Variants in SRGAP1 observed in about 807,000 individuals in gnomAD.
SRGAP1 encodes SLIT-ROBO Rho GTPase-activating protein 1.
Under a neutral mutation model 121.9 loss-of-function variants are expected in SRGAP1, and 43 were observed. The observed-to-expected ratio is 0.35, with a 90% CI of 0.28 to 0.46. The LOEUF (loss-of-function observed/expected upper bound fraction) is 0.46, where lower values mean the gene tolerates loss of function less well. Among genes scored for constraint, SRGAP1 ranks in the 20% least tolerant of loss-of-function variants. SRGAP1 has a pLI of 1.00. For synonymous variants in SRGAP1, 447 were observed against 485.4 expected (o/e 0.92, Z 1.04); for missense variants, 1,102 against 1,350.9 (o/e 0.82, Z 2.89).
Position 64,161,527 on chromosome 12 carries a change from T to C in SRGAP1, c.*18855T>C, listed in dbSNP as rs1314522915. ...GCTGGCTGTTCATTTTTTTATAGAATCCTGTCCTTATTTGACAGGTCCTAT... is the reference window on the plus strand; with the variant it reads ...GCTGGCTGTTCATTTTTTTATAGAACCCTGTCCTTATTTGACAGGTCCTAT... On this transcript the variant is annotated 3_prime_UTR_variant, in exon 22 of 22. Transcript: ENST00000355086. 6.6e-6 allele frequency: 1 copy of C among 152,208 alleles called. No individual in the cohort carries two copies. The highest frequency in any genetic ancestry group is 2.4e-5 in the African/African-American group (1 of 41,458). 9.4% of individuals were successfully genotyped at this position (152,208 alleles called of 1,614,324 possible).
At position 64,016,951 on chromosome 12, in the gene SRGAP1, G is replaced by A; in HGVS notation, c.428G>A (p.Ser143Asn). Residue 143 changes from serine (S) to asparagine (N), a missense_variant and splice_region_variant, in exon 4 of 22, where the codon AGC (serine) becomes AAC (asparagine). By Grantham distance (46) the Ser-to-Asn change is conservative. Transcript: ENST00000355086. The part of the protein sequence containing the change: ...SEDSTRMFKK[S>N]KEIAFQLHED... Reference sequence around the variant, plus strand: ...TTCTTTTTTATTTTCTAATTACAGAGCAAAGAGATTGCATTCCAACTTCAT... The same window carrying A: ...TTCTTTTTTATTTTCTAATTACAGAACAAAGAGATTGCATTCCAACTTCAT... 6.6e-7 allele frequency: 1 copy of A among 1,506,526 alleles called. No homozygotes were observed. The highest frequency in any genetic ancestry group is 1.2e-5 in the South Asian group (1 of 84,008). 93.3% of individuals were successfully genotyped at this position (1,506,526 alleles called of 1,614,324 possible).
Position 63,844,969 on chromosome 12 carries a change from C to T in SRGAP1, c.67+86C>T. ...AGTTGCGTATCTAACTTGGTGTCTG[C>T]GTGGGAGGAAGGTGGTGAGGGGACA... On this transcript the variant is annotated intron_variant, in intron 1 of 21. Coordinates refer to ENST00000355086, the MANE Select transcript of SRGAP1 (RefSeq NM_020762.4). This position sits in a 1 kb window ranked among gnomAD's most constrained non-coding sequence, Gnocchi z 4.3. 1 of 1,359,518 alleles carries T rather than the reference C, an allele frequency of 7.4e-7. No individual in the cohort carries two copies. 84.2% of individuals were successfully genotyped at this position (1,359,518 alleles called of 1,614,324 possible).
At chr12:64,062,816 C>G in intron 6 of SRGAP1, 101 bp from the exon 7 acceptor site, 1 of 793,580 alleles carries the variant, frequency 1.3e-6, no homozygotes. Context: ...AAGCTTACCC[C>G]CATGTTTCCT....
chr12:64,040,011 AATG>A (rs2034982931), intron 4 of SRGAP1, among the ~76,000 whole-genome samples: 1 of 152,146 alleles, frequency 6.6e-6, no homozygotes, highest in African/African-American at 2.4e-5. Context: ...CTGGCTCTGT[AATG>A]CCTTTAACAT....
At position 64,154,114 on chromosome 12, in the gene SRGAP1, A is replaced by C. The variant is rs1322582946; in HGVS notation, c.*11442A>C. 1 of 152,238 alleles carries C rather than the reference A, an allele frequency of 6.6e-6. No individual in the cohort carries two copies. The allele number at this position is 152,238 out of a possible 1,614,324, so 9.4% of individuals were successfully genotyped here. ...AGTCAAACTCTTATAAACAGAAAGC[A>C]GAATGGTGATTGCCAGGGATCGGGA... On this transcript the variant is annotated 3_prime_UTR_variant, in exon 22 of 22. Transcript: ENST00000355086.
At chr12:63,983,389 G>A (rs12316287) in intron 1 of SRGAP1, 10 of 151,996 alleles carry the variant, frequency 6.6e-5, no homozygotes, top group Admixed American at 4.6e-4. Context: ...CTCATGGCTC[G>A]TTGTGTGTTT....
intron 12 of SRGAP1, among the ~76,000 whole-genome samples, chr12:64,092,915 AAAT>A (rs1017355116): frequency 2.0e-5 from 3 of 152,214 alleles, no homozygotes; most frequent in Admixed American, 2.0e-4. Flanking sequence ...AAGAGCAGTT[AAAT>A]GAAAGTAAAT....
chr12:63,875,261 T>C (rs946326622), intron 1 of SRGAP1, among the ~76,000 whole-genome samples: 2 of 152,178 alleles, frequency 1.3e-5, no homozygotes, highest in Non-Finnish European at 2.9e-5. Context: ...ACATAATAAG[T>C]GCTCAGTTAT....
In SRGAP1 at chr12:64,154,309, A is replaced by G. The variant is rs2037147270; in HGVS notation, c.*11637A>G. ...TAATTTTTTAACCACAATTTTAAAC[A>G]TCACTGTAGATGTTGTAGTTGTGTT... On this transcript the variant is annotated 3_prime_UTR_variant, in exon 22 of 22. Coordinates refer to ENST00000355086, the MANE Select transcript of SRGAP1 (RefSeq NM_020762.4). 1 of 152,214 alleles carries G rather than the reference A, an allele frequency of 6.6e-6. No homozygotes were observed. The highest frequency in any genetic ancestry group is 2.4e-5 in the African/African-American group (1 of 41,458). The allele number at this position is 152,214 out of a possible 1,614,324, so 9.4% of individuals were successfully genotyped here.
At chr12:64,069,950 G>A (rs1399843629) in intron 8 of SRGAP1, among the ~76,000 whole-genome samples, 1 of 152,098 alleles carries the variant, frequency 6.6e-6, no homozygotes, top group Non-Finnish European at 1.5e-5. Context: ...TGTTCCCCAG[G>A]CCGGTTGAAC....
chr12:64,037,126 A>G (rs1007979513), intron 4 of SRGAP1, among the ~76,000 whole-genome samples: 1 of 152,186 alleles, frequency 6.6e-6, no homozygotes, highest in Non-Finnish European at 1.5e-5. Flanking sequence ...GAATGGGTCA[A>G]ATGTCAAAAG....
chr12:64,109,347 A>C (rs757295606), intron 16 of SRGAP1, among the ~76,000 whole-genome samples: 3 of 152,118 alleles, frequency 2.0e-5, no homozygotes, highest in Admixed American at 1.3e-4. Flanking sequence ...CAAAACTGTC[A>C]TGAATGTTTT....
At chr12:63,892,826 A>G (rs893919521) in intron 1 of SRGAP1, among the ~76,000 whole-genome samples, 1 of 152,112 alleles carries the variant, frequency 6.6e-6, no homozygotes, top group African/African-American at 2.4e-5. Flanking sequence ...ATGGCTGCCT[A>G]TGGTTGAAAA....
intron 6 of SRGAP1, among the ~76,000 whole-genome samples, chr12:64,062,132 C>T (rs1261263128): frequency 1.3e-5 from 2 of 152,190 alleles, no homozygotes; most frequent in Non-Finnish European, 2.9e-5. Flanking sequence ...TACCATTTTA[C>T]ATTCCCACCA....
At chr12:64,130,176 G>C (rs577542277) in intron 21 of SRGAP1, among the ~76,000 whole-genome samples, 1 of 152,218 alleles carries the variant, frequency 6.6e-6, no homozygotes, top group South Asian at 2.1e-4. Flanking sequence ...TTTTTTACCT[G>C]CATCGTGGAG....
rs1440000680 is a variant in SRGAP1 at position 64,145,755 on chromosome 12, CCTT to C, written c.*3087_*3089del. 2 of 152,128 alleles carry C rather than the reference CCTT, an allele frequency of 1.3e-5. No homozygotes were observed. 9.4% of individuals were successfully genotyped at this position (152,128 alleles called of 1,614,324 possible). On this transcript the variant is annotated 3_prime_UTR_variant, in exon 22 of 22. Transcript: ENST00000355086. ...CACTGCAGCTGAGAAGGTTCACAGCCCTTCTTTATAGCCACAGAGGCAGCACAC... is the reference window on the plus strand; with the variant it reads ...CACTGCAGCTGAGAAGGTTCACAGCCCTTTATAGCCACAGAGGCAGCACAC...
intron 1 of SRGAP1, among the ~76,000 whole-genome samples, chr12:63,953,865 A>G (rs1937219263): frequency 6.6e-6 from 1 of 152,240 alleles, no homozygotes; most frequent in Non-Finnish European, 1.5e-5. Context: ...AACAGTGGAA[A>G]TACATTTGGA....
intron 1 of SRGAP1, among the ~76,000 whole-genome samples, chr12:63,873,562 A>AG (rs1051565908): frequency 6.6e-6 from 1 of 151,836 alleles, no homozygotes; most frequent in African/African-American, 2.4e-5. Context: ...AGAAAAGAAA[A>AG]AAAAACTGAG....
intron 1 of SRGAP1, among the ~76,000 whole-genome samples, chr12:63,922,221 C>A (rs2031086321): frequency 6.6e-6 from 1 of 152,114 alleles, no homozygotes. Context: ...TCAAGTGATC[C>A]ACCCACCTCA....
Sources: gnomAD v4.1 joint callset for allele counts (sites outside exome capture counted in the v4.1 genomes callset) on GRCh38, gnomAD v4.1.1 for gene constraint, Gnocchi (gnomAD v3.1) non-coding constraint, MANE v1.5 for transcripts, NCBI Gene and HGNC (gene_info 2026-07-23, HGNC 2026-07-21) for gene names.